TNS2: variants seen among roughly 807,000 people sequenced by gnomAD.
The protein encoded by TNS2 is tensin-2.
In TNS2, 77 loss-of-function variants were observed where a neutral mutation model predicts 155.7. That is an observed-to-expected ratio of 0.49 (90% CI 0.41 to 0.60). The LOEUF (loss-of-function observed/expected upper bound fraction) is 0.60. TNS2 is among the 20% of genes least tolerant of loss of function. The pLI is 0.00. For missense variants in TNS2, 1,703 were observed against 1,868.8 expected (o/e 0.91, Z 1.64); for synonymous variants, 726 against 763.9 (o/e 0.95, Z 0.82).
In TNS2 at chr12:53,057,844, T is replaced by C. The variant is rs774511832; in HGVS notation, c.1019+11T>C. 2.5e-6 allele frequency: 4 copies of C among 1,613,888 alleles called. No individual in the cohort carries two copies. The highest frequency in any genetic ancestry group is 2.2e-5 in the East Asian group (1 of 44,888). On this transcript the variant is annotated intron_variant, in intron 13 of 28. Coordinates refer to ENST00000314250, the MANE Select transcript of TNS2 (RefSeq NM_170754.4). ...CACATCTGGAGTCTAGTGAGTGCTC[T>C]ATTCCCAGGCCCCTGACACTTCATG...
chr12:53,049,359 A>G (rs796680089), upstream of TNS2: 36 of 925,220 alleles, frequency 3.9e-5, no homozygotes, highest in African/African-American at 5.8e-4. Context: ...CATGTCTGAA[A>G]CAAAGCCAGG....
In TNS2 at chr12:53,050,199, G is replaced by A. The variant is rs372244474; in HGVS notation, c.14G>A (p.Gly5Asp). The A allele has an allele frequency of 1.7e-5, 28 of 1,611,106 alleles. No individual in the cohort carries two copies. In the South Asian group the frequency reaches 3.1e-4, roughly 18 times the overall value. Residue 5 changes from glycine to aspartate, a missense_variant, in exon 1 of 29, where the codon GGC becomes GAC. Physicochemically the swap from Gly to Asp is moderately conservative, Grantham distance 94 (BLOSUM62 -1). Transcript: ENST00000314250. The surrounding 1 kb of genome is among the most constrained non-coding windows in gnomAD (Gnocchi z 4.7). ...CAGCCGAACACCATGAAGTCCAGCGGCCCTGTGGAGAGGCTGCTCAGAGCC... is the reference window on the plus strand; with the variant it reads ...CAGCCGAACACCATGAAGTCCAGCGACCCTGTGGAGAGGCTGCTCAGAGCC... MKSS[G>D]PVERLLRALG...
upstream of TNS2, chr12:53,049,286 T>G (rs1592238297): frequency 1.3e-6 from 2 of 1,538,590 alleles, no homozygotes; most frequent in Non-Finnish European, 8.9e-7. Flanking sequence ...GGGGGGAGGG[T>G]GCAGCCCTTG....
chr12:53,053,457 C>G lies in TNS2; in HGVS notation c.261+8C>G, dbSNP rs375398578. 6.2e-6 allele frequency: 10 copies of G among 1,613,806 alleles called. No homozygotes were observed. Among genetic ancestry groups the G allele is most frequent in the Non-Finnish European group, 6.8e-6 (8 of 1,179,878 alleles). Reference sequence around the variant, plus strand: ...TTGCCTCCCGTGGAGTTGGTGAGTGCGCTCTGGGATGGGGTGGGGAGGGCA... The same window carrying G: ...TTGCCTCCCGTGGAGTTGGTGAGTGGGCTCTGGGATGGGGTGGGGAGGGCA... On this transcript the variant is annotated splice_region_variant and intron_variant, in intron 4 of 28. Coordinates refer to ENST00000314250, the MANE Select transcript of TNS2 (RefSeq NM_170754.4).
At chr12:53,047,304 C>A (rs1207366698), upstream of TNS2, among the ~76,000 whole-genome samples, 1 of 145,108 alleles carries the variant, frequency 6.9e-6, no homozygotes, top group East Asian at 2.0e-4. Flanking sequence ...GCGGGATGGG[C>A]TGGCCCGGCG....
chr12:53,059,663 G>T lies in TNS2; in HGVS notation c.2022G>T (p.Arg674=). 6.2e-7 allele frequency: 1 copy of T among 1,613,350 alleles called. No individual in the cohort carries two copies. Among genetic ancestry groups the T allele is most frequent in the Non-Finnish European group, 8.5e-7 (1 of 1,179,936 alleles). ...GDFGYRAPGY[R]EVVILEDPGL... Reference sequence around the variant, plus strand: ...TTGGCTACCGCGCCCCAGGCTACCGGGAGGTGGTCATCCTGGAGGACCCTG... The same window carrying T: ...TTGGCTACCGCGCCCCAGGCTACCGTGAGGTGGTCATCCTGGAGGACCCTG... The change falls in exon 18 of 29, where the codon CGG becomes CGT. Residue 674 remains arginine (R), a synonymous_variant. Coordinates refer to ENST00000314250, the MANE Select transcript of TNS2 (RefSeq NM_170754.4). This position sits in a 1 kb window ranked among gnomAD's most constrained non-coding sequence, Gnocchi z 4.7.
upstream of TNS2, among the ~76,000 whole-genome samples, chr12:53,047,651 C>T (rs1477432024): frequency 6.6e-6 from 1 of 151,880 alleles, no homozygotes; most frequent in Non-Finnish European, 1.5e-5. Context: ...GGCCGCACGC[C>T]GTGCCACACA....
intron 15 of TNS2, 21 bp from the exon 16 acceptor site, chr12:53,058,551 T>A: frequency 6.2e-7 from 1 of 1,614,054 alleles, no homozygotes; most frequent in Non-Finnish European, 8.5e-7. Flanking sequence ...GGCCTGGTTC[T>A]TCACTGTCCA....
rs113303077 is a variant in TNS2 at position 53,060,964 on chromosome 12, C to T, written c.3058C>T (p.Pro1020Ser). The change falls in exon 20 of 29, where the codon CCT (proline) becomes TCT (serine). Residue 1020 changes from proline (P) to serine (S), a missense_variant. By Grantham distance (74) the Pro-to-Ser change is moderately conservative. Coordinates refer to ENST00000314250, the MANE Select transcript of TNS2 (RefSeq NM_170754.4). This position sits in a 1 kb window ranked among gnomAD's most constrained non-coding sequence, Gnocchi z 6.1. ...CCTCCGCCACGCCCCCTGGCAAGGC[C>T]CTCGAGGCCCCCCCGACAGCCCAGA... ...PGLRHAPWQG[P>S]RGPPDSPDGS... 1.2e-6 allele frequency: 2 copies of T among 1,607,520 alleles called. No individual in the cohort carries two copies. The highest frequency in any genetic ancestry group is 1.3e-5 in the African/African-American group (1 of 74,856).
chr12:53,062,124 G>C, intron 22 of TNS2, 29 bp from the exon 23 acceptor site: 1 of 1,613,542 alleles, frequency 6.2e-7, no homozygotes, highest in South Asian at 1.1e-5. Context: ...GAATCCTAAA[G>C]CCGCAATCTT....
At chr12:53,049,141 C>T, upstream of TNS2, 1 of 1,552,568 alleles carries the variant, frequency 6.4e-7, no homozygotes. Context: ...AGGCCGGAGG[C>T]CCATGGATGG....
chr12:53,049,933 G>A, upstream of TNS2: 2 of 919,164 alleles, frequency 2.2e-6, no homozygotes, highest in Non-Finnish European at 3.1e-6. Flanking sequence ...CTCCCAGCAG[G>A]GTAGATCCTG....
chr12:53,055,305 C>T (rs1246496489), intron 8 of TNS2, 69 bp downstream of exon 8: 13 of 1,534,016 alleles, frequency 8.5e-6, no homozygotes, highest in Admixed American at 3.7e-5. Context: ...CCAGCTTCCT[C>T]GTTATTAATA....
chr12:53,049,222 G>C, upstream of TNS2: 1 of 1,606,544 alleles, frequency 6.2e-7, no homozygotes, highest in South Asian at 1.1e-5. Flanking sequence ...GCTGAGGAAG[G>C]AGAGCAGACC....
In TNS2 at chr12:53,060,788, C is replaced by G. The variant is rs550410983; in HGVS notation, c.2882C>G (p.Pro961Arg). 4.3e-6 allele frequency: 7 copies of G among 1,612,118 alleles called. No individual in the cohort carries two copies. In the South Asian group the frequency reaches 6.6e-5, roughly 15 times the overall value. Residue 961 changes from proline (P) to arginine (R), a missense_variant, in exon 20 of 29, where the codon CCG becomes CGG. Pro to Arg is a moderately radical substitution (Grantham distance 103). Transcript: ENST00000314250. The surrounding 1 kb of genome is among the most constrained non-coding windows in gnomAD (Gnocchi z 6.1). ...QAGTGKAPEL[P>R]SGSGPEPLAP... ...GGCACCGGAAAGGCCCCTGAGCTGC[C>G]GTCGGGAAGTGGGCCTGAGCCTCTG...
intron 13 of TNS2, 29 bp downstream of exon 13, chr12:53,057,862 A>G: frequency 7.4e-6 from 12 of 1,613,506 alleles, no homozygotes; most frequent in Non-Finnish European, 7.6e-6. Context: ...GGCCCCTGAC[A>G]CTTCATGACC....
At chr12:53,053,484 G>A (rs2121082381) in intron 4 of TNS2, 35 bp downstream of exon 4, 2 of 1,613,458 alleles carry the variant, frequency 1.2e-6, no homozygotes, top group East Asian at 2.2e-5. Flanking sequence ...GGGAGGGCAA[G>A]GAACCTGGCC....
At position 53,059,917 on chromosome 12, in the gene TNS2, A is replaced by T; in HGVS notation, c.2276A>T (p.Lys759Met). ...GACTACAGCTGCCTGAAGCCACCCA[A>T]GGCAGGCGAGGAAGGGCACGAGGGC... ...MPDYSCLKPP[K>M]AGEEGHEGCS... The change falls in exon 18 of 29, where the codon AAG becomes ATG. Residue 759 changes from lysine to methionine, a missense_variant. By Grantham distance (95) the Lys-to-Met change is moderately conservative. Coordinates refer to ENST00000314250, the MANE Select transcript of TNS2 (RefSeq NM_170754.4). The surrounding 1 kb of genome is among the most constrained non-coding windows in gnomAD (Gnocchi z 4.7). 6.2e-7 allele frequency: 1 copy of T among 1,611,466 alleles called. No individual in the cohort carries two copies.
At chr12:53,061,510 TC>T in intron 21 of TNS2, 41 bp downstream of exon 21, 2 of 1,602,114 alleles carry the variant, frequency 1.2e-6, no homozygotes, top group Non-Finnish European at 1.7e-6. Context: ...CATCCCACCT[TC>T]CAGGGTGTCT....
Sources: allele counts gnomAD v4.1 joint callset (sites outside exome capture counted in the v4.1 genomes callset), GRCh38; gene constraint gnomAD v4.1.1; non-coding constraint Gnocchi (gnomAD v3.1); transcripts MANE v1.5; gene names NCBI Gene and HGNC (gene_info 2026-07-23, HGNC 2026-07-21).